RAB32: variants seen among roughly 807,000 people sequenced by gnomAD.
RAB32 encodes RAB32, member RAS oncogene family.
In RAB32, 17 loss-of-function variants were observed where a neutral mutation model predicts 17.5. That is an observed-to-expected ratio of 0.97 (90% CI 0.67 to 1.46). The LOEUF is 1.46. Ranked by LOEUF, RAB32 falls within the 40% of genes most tolerant of loss-of-function variation. The probability of loss-of-function intolerance (pLI) is 0.00; values close to 1 mark genes in which losing one functional copy is unlikely to be tolerated. For synonymous variants in RAB32, 115 were observed against 111.1 expected (o/e 1.04, Z -0.22); for missense variants, 288 against 284.3 (o/e 1.01, Z -0.09).
At chr6:146,545,143 C>G (rs758276750) in intron 1 of RAB32, among the ~76,000 whole-genome samples, 5 of 151,946 alleles carry the variant, frequency 3.3e-5, no homozygotes, top group Admixed American at 1.3e-4. Flanking sequence ...GTCGTGCGTG[C>G]CTGTAGTCCC....
Position 146,554,704 on chromosome 6 carries a change from G to C in RAB32, c.*99G>C. On this transcript the variant is annotated 3_prime_UTR_variant, in exon 3 of 3. Coordinates refer to ENST00000367495, the MANE Select transcript of RAB32 (RefSeq NM_006834.5). Reference sequence around the variant, plus strand: ...TTAGCTGGGAGTCTTCCCACATGTGGCACTTCAAAAGGCAGCACCACTGGG... The same window carrying C: ...TTAGCTGGGAGTCTTCCCACATGTGCCACTTCAAAAGGCAGCACCACTGGG... The C allele has an allele frequency of 7.2e-7, 1 of 1,387,196 alleles. No individual in the cohort carries two copies. Among genetic ancestry groups the C allele is most frequent in the Non-Finnish European group, 9.7e-7 (1 of 1,027,174 alleles). 85.9% of individuals were successfully genotyped at this position (1,387,196 alleles called of 1,614,324 possible).
In RAB32 at chr6:146,554,772, C is replaced by A; in HGVS notation, c.*167C>A. ...AAATGGAACTTTGGGAGAAGTATCC[C>A]TGCTAGTGGCTCTGTAACTTAACAG... On this transcript the variant is annotated 3_prime_UTR_variant, in exon 3 of 3. Coordinates refer to ENST00000367495, the MANE Select transcript of RAB32 (RefSeq NM_006834.5). 1.7e-6 allele frequency: 1 copy of A among 574,244 alleles called. No individual in the cohort carries two copies. The highest frequency in any genetic ancestry group is 2.9e-6 in the Non-Finnish European group (1 of 340,388). 35.6% of individuals were successfully genotyped at this position (574,244 alleles called of 1,614,324 possible). A position where few individuals can be genotyped will look rare whatever the true frequency, so the allele number is the denominator to read the frequency against.
intron 2 of RAB32, 129 bp from the exon 3 acceptor site, chr6:146,554,326 TA>T: frequency 4.0e-6 from 3 of 758,788 alleles, no homozygotes; most frequent in South Asian, 4.1e-5. Flanking sequence ...CACACTTTAG[TA>T]TTAGAGGAAA....
chr6:146,545,292 G>A (rs1779807617), intron 1 of RAB32, among the ~76,000 whole-genome samples: 1 of 151,138 alleles, frequency 6.6e-6, no homozygotes, highest in African/African-American at 2.4e-5. Flanking sequence ...AAAAAAGTAC[G>A]AAAATTACTC....
Position 146,550,726 on chromosome 6 carries a change from G to T in RAB32, c.528+985G>T, listed in dbSNP as rs1266313118. Among the ~76,000 whole-genome samples the T allele has an allele frequency of 2.9e-5, 4 of 137,920 alleles. No individual in the cohort carries two copies. In the South Asian group the frequency reaches 7.3e-4, roughly 25 times the overall value. The allele number at this position is 137,920 out of a possible 152,430, so 90.5% of individuals were successfully genotyped here. A position where few individuals can be genotyped will look rare whatever the true frequency, so the allele number is the denominator to read the frequency against. ...AAATTATACATATATAAAATGTTTG[G>T]GGGGGGGGTTACGTGCATTGGAACT... On this transcript the variant is annotated intron_variant, in intron 2 of 2. Coordinates refer to ENST00000367495, the MANE Select transcript of RAB32 (RefSeq NM_006834.5).
chr6:146,554,660 A>G lies in RAB32; in HGVS notation c.*55A>G. 6.4e-7 allele frequency: 1 copy of G among 1,562,644 alleles called. No individual in the cohort carries two copies. The highest frequency in any genetic ancestry group is 8.6e-7 in the Non-Finnish European group (1 of 1,156,348). ...CTCAGCTCTGAAGAAGTTCCTGAGA[A>G]TGGGTTACAGATGTCATGTTAGCTG... On this transcript the variant is annotated 3_prime_UTR_variant, in exon 3 of 3. Transcript: ENST00000367495.
chr6:146,545,666 G>A (rs937148889), intron 1 of RAB32, among the ~76,000 whole-genome samples: 2 of 152,172 alleles, frequency 1.3e-5, no homozygotes, highest in African/African-American at 4.8e-5. Flanking sequence ...GCTTTTTGTT[G>A]TTGTTTTTTG....
rs1268245046 is a variant in RAB32, at chr6:146,549,731, C to T, written c.518C>T (p.Thr173Ile). 1 of 1,613,896 alleles carries T rather than the reference C, an allele frequency of 6.2e-7. No homozygotes were observed. Among genetic ancestry groups the T allele is most frequent in the Non-Finnish European group, 8.5e-7 (1 of 1,179,842 alleles). Residue 173 changes from threonine to isoleucine, a missense_variant, in exon 2 of 3, where the codon ACC becomes ATC. Physicochemically the swap from Thr to Ile is moderately conservative, Grantham distance 89. Transcript: ENST00000367495. The stretch of plus-strand genomic sequence containing the variant: ...CATGGCTTTGCCGGATGGTTTGAAA[C>T]CTCTGCAAAGGTGAGATCTGCTTTG... ...KEHGFAGWFE[T>I]SAKDNINIEE...
At chr6:146,548,849 C>CTGGAAT (rs1779858316) in intron 1 of RAB32, among the ~76,000 whole-genome samples, 2 of 152,168 alleles carry the variant, frequency 1.3e-5, no homozygotes, top group South Asian at 4.1e-4. Flanking sequence ...TTGAAGAACC[C>CTGGAAT]TGGAATTGAT....
At chr6:146,551,133 GA>G (rs1324474550) in intron 2 of RAB32, among the ~76,000 whole-genome samples, 1 of 151,668 alleles carries the variant, frequency 6.6e-6, no homozygotes, top group Non-Finnish European at 1.5e-5. Flanking sequence ...GAGTCACTGG[GA>G]AAAAAAAGAC....
intron 1 of RAB32, among the ~76,000 whole-genome samples, chr6:146,547,241 A>G (rs925558508): frequency 6.6e-6 from 1 of 152,126 alleles, no homozygotes; most frequent in Admixed American, 6.5e-5. Context: ...GTTTACTATT[A>G]TATGCTTATT....
intron 2 of RAB32, among the ~76,000 whole-genome samples, chr6:146,553,611 C>T (rs1368894262): frequency 2.0e-5 from 3 of 152,090 alleles, no homozygotes; most frequent in African/African-American, 7.2e-5. Context: ...GATCCTGGAT[C>T]TGAAATAGGG....
chr6:146,544,252 C>A, intron 1 of RAB32, 131 bp downstream of exon 1: 2 of 1,256,016 alleles, frequency 1.6e-6, no homozygotes, highest in South Asian at 3.2e-5. Context: ...GAGGCCCAAT[C>A]CAAGGGCGAG....
chr6:146,547,489 A>G (rs1164512706), intron 1 of RAB32, among the ~76,000 whole-genome samples: 1 of 152,110 alleles, frequency 6.6e-6, no homozygotes, highest in Non-Finnish European at 1.5e-5. Flanking sequence ...ATATTTACCC[A>G]AGCATAAAAT....
rs1779781741 is a variant in RAB32 at position 146,543,839 on chromosome 6, G to C, written c.-33G>C. The C allele has an allele frequency of 5.3e-6, 7 of 1,314,436 alleles. No homozygotes were observed. The South Asian group carries it at 5.8e-5, about 11-fold the overall frequency. 81.4% of individuals were successfully genotyped at this position (1,314,436 alleles called of 1,614,324 possible). On this transcript the variant is annotated 5_prime_UTR_variant, in exon 1 of 3. Transcript: ENST00000367495. ...CGAGGCCGGGCAGGGGGCCAGACTC[G>C]GAGTCGAGGCGCGCCCGACAGCCGC...
intron 2 of RAB32, among the ~76,000 whole-genome samples, chr6:146,551,315 A>T (rs1378541751): frequency 6.6e-6 from 1 of 152,224 alleles, no homozygotes; most frequent in Non-Finnish European, 1.5e-5. Context: ...TCACAGAAAG[A>T]AAGCCTTCTT....
chr6:146,549,397 GGT>G, intron 1 of RAB32, 65 bp from the exon 2 acceptor site: 1 of 1,330,618 alleles, frequency 7.5e-7, no homozygotes, highest in South Asian at 1.4e-5. Flanking sequence ...GGGTAAAAGG[GGT>G]TATACCTAAA....
intron 2 of RAB32, among the ~76,000 whole-genome samples, chr6:146,554,215 A>G (rs1418203148): frequency 3.3e-5 from 5 of 152,118 alleles, no homozygotes; most frequent in African/African-American, 1.2e-4. Context: ...CCTCAGTGGC[A>G]AAGGTTTAAG....
At chr6:146,547,081 G>T (rs533294367) in intron 1 of RAB32, among the ~76,000 whole-genome samples, 2 of 152,006 alleles carry the variant, frequency 1.3e-5, no homozygotes, top group African/African-American at 2.4e-5. Context: ...CGTACTTTAG[G>T]ACTGCTGCTC....
Sources: allele counts gnomAD v4.1 joint callset (sites outside exome capture counted in the v4.1 genomes callset), GRCh38; gene constraint gnomAD v4.1.1; transcripts MANE v1.5; gene names NCBI Gene and HGNC (gene_info 2026-07-23, HGNC 2026-07-21).